PURG: variants seen among roughly 807,000 people sequenced by gnomAD.
PURG encodes the protein purine rich element binding protein G.
Under a neutral mutation model 24.3 loss-of-function variants are expected in PURG, and 3 were observed. That is an observed-to-expected ratio of 0.12 (90% confidence interval 0.06 to 0.32). The LOEUF is 0.32. PURG is among the 10% of genes least tolerant of loss of function. PURG has a pLI of 1.00. For synonymous variants in PURG, 180 were observed against 173.1 expected, an observed-to-expected ratio of 1.04 and a Z score of -0.31; for missense variants, 371 against 439.1, an observed-to-expected ratio of 0.84 and a Z score of 1.39.
Position 31,032,701 on chromosome 8 carries a change from T to A in PURG, c.82A>T (p.Ser28Cys), listed in dbSNP as rs1353005989. 2.6e-6 allele frequency: 4 copies of A among 1,514,946 alleles called. No individual in the cohort carries two copies. The highest frequency in any genetic ancestry group is 3.5e-6 in the Non-Finnish European group (4 of 1,132,616). The allele number at this position is 1,514,946 out of a possible 1,614,324, so 93.8% of individuals were successfully genotyped here. A position where few individuals can be genotyped will look rare whatever the true frequency, so the allele number is the denominator to read the frequency against. Reference sequence around the variant, plus strand: ...TGCTGGGCCTGGGGATAGAGTCTACTCTTGCTTAGGCCAGAGCCCCCTACA... The same window carrying A: ...TGCTGGGCCTGGGGATAGAGTCTACACTTGCTTAGGCCAGAGCCCCCTACA... ...KNVGGSGLSK[S>C]RLYPQAQHSH... Residue 28 changes from serine (S) to cysteine (C), a missense_variant, in exon 2 of 2, where the codon AGT becomes TGT. Coordinates refer to ENST00000523392, the MANE Select transcript of PURG (RefSeq NM_001323311.2). This position sits in a 1 kb window ranked among gnomAD's most constrained non-coding sequence, Gnocchi z 5.9.
At chr8:31,005,050 C>T (rs1306969753) in intron 1 of PURG, among the ~76,000 whole-genome samples, 2 of 152,152 alleles carry the variant, frequency 1.3e-5, no homozygotes, top group African/African-American at 4.8e-5. Context: ...AAAGTATCAT[C>T]AGGCAATAAA....
rs201025652 is a variant in PURG, at chr8:31,032,313, G to A, written c.470C>T (p.Pro157Leu). The A allele has an allele frequency of 1.9e-6, 3 of 1,612,782 alleles. No individual in the cohort carries two copies. Among genetic ancestry groups the A allele is most frequent in the Admixed American group, 3.3e-5 (2 of 60,012 alleles). ...CTCTTCGGACCCCACCGAGACTGGT[G>A]GGGAGGGTGCCGAGTGCTTCTGCCT... ...RRRQKHSAPS[P>L]PVSVGSEEHP... Residue 157 changes from proline (P) to leucine (L), a missense_variant, in exon 2 of 2, where the codon CCA becomes CTA. Physicochemically the swap from Pro to Leu is moderately conservative, Grantham distance 98. Around this residue, in one of 5 missense-constraint regions of PURG, gnomAD observed 213 missense variants for 230.6 expected, o/e 0.92. Transcript: ENST00000523392. The surrounding 1 kb of genome is among the most constrained non-coding windows in gnomAD (Gnocchi z 5.9).
In PURG at chr8:31,031,597, G is replaced by A; in HGVS notation, c.*142C>T. On this transcript the variant is annotated 3_prime_UTR_variant, in exon 2 of 2. Coordinates refer to ENST00000523392, the MANE Select transcript of PURG (RefSeq NM_001323311.2). ...TATGTGTAACATAACATGAGAATCA[G>A]ACTTCCTGAAGTATCAACTACTAGA... 1.4e-6 allele frequency: 1 copy of A among 720,372 alleles called. No individual in the cohort carries two copies. Among genetic ancestry groups the A allele is most frequent in the Non-Finnish European group, 2.2e-6 (1 of 445,728 alleles). The allele number at this position is 720,372 out of a possible 1,614,324, so 44.6% of individuals were successfully genotyped here. A position where few individuals can be genotyped will look rare whatever the true frequency, so the allele number is the denominator to read the frequency against.
intron 1 of PURG, among the ~76,000 whole-genome samples, chr8:31,013,710 C>T (rs1180525681): frequency 6.6e-6 from 1 of 152,218 alleles, no homozygotes; most frequent in Non-Finnish European, 1.5e-5. Context: ...GCACTCCAGC[C>T]TGGGCAACAA....
chr8:31,023,886 T>C (rs1811045857), intron 1 of PURG, among the ~76,000 whole-genome samples: 1 of 152,156 alleles, frequency 6.6e-6, no homozygotes, highest in Non-Finnish European at 1.5e-5. Context: ...ATGTGATCTA[T>C]GGTTATTTTA....
At chr8:31,008,020 C>G (rs1810687962) in intron 1 of PURG, among the ~76,000 whole-genome samples, 1 of 151,914 alleles carries the variant, frequency 6.6e-6, no homozygotes. Flanking sequence ...CTTTTTGTTT[C>G]CTGTGCAAGA....
intron 1 of PURG, among the ~76,000 whole-genome samples, chr8:31,020,726 C>T (rs1810974527): frequency 6.6e-6 from 1 of 152,212 alleles, no homozygotes; most frequent in East Asian, 1.9e-4. Context: ...GAGTAGCTCT[C>T]AGTCTTCTTT....
rs1811220946 is a variant in PURG at position 31,032,022 on chromosome 8, C to T, written c.761G>A (p.Gly254Glu). The change falls in exon 2 of 2, where the codon GGA becomes GAA. Residue 254 changes from glycine (G) to glutamate (E), a missense_variant. This residue lies in a region of PURG where 103 missense variants were observed against 127.7 expected (regional missense o/e 0.81). Transcript: ENST00000523392. The surrounding 1 kb of genome is among the most constrained non-coding windows in gnomAD (Gnocchi z 5.9). ...TGGGAGTTCAAGCGGGTCATCGTCT[C>T]CACCTCTTCGTTCTTCTATGTCTCC... is the stretch of plus-strand genomic sequence containing the variant. The part of the protein sequence containing the change: ...GEGDIEERRG[G>E]DDDPLELPEG... The T allele has an allele frequency of 6.2e-7, 1 of 1,614,158 alleles. No individual in the cohort carries two copies. The highest frequency in any genetic ancestry group is 8.5e-7 in the Non-Finnish European group (1 of 1,180,038).
At chr8:30,996,432 C>T in exon 2 of PURG, 1 of 493,870 alleles carries the variant, frequency 2.0e-6, no homozygotes, top group Non-Finnish European at 3.6e-6. Flanking sequence ...GGAAATTATT[C>T]AACATAAGAT....
chr8:31,002,537 G>A (rs928233933), intron 1 of PURG, among the ~76,000 whole-genome samples: 1 of 152,152 alleles, frequency 6.6e-6, no homozygotes, highest in Admixed American at 6.5e-5. Context: ...AGGCTGGGGT[G>A]CAATGGCATG....
intron 1 of PURG, among the ~76,000 whole-genome samples, chr8:30,999,899 T>C (rs952311981): frequency 1.3e-5 from 2 of 151,954 alleles, no homozygotes; most frequent in African/African-American, 4.8e-5. Context: ...CCTGAAAACA[T>C]CGTGACGGTT....
chr8:31,029,195 A>G (rs1389311369), downstream of PURG, among the ~76,000 whole-genome samples: 2 of 151,884 alleles, frequency 1.3e-5, no homozygotes, highest in Non-Finnish European at 3.0e-5. Flanking sequence ...TCATAGCATC[A>G]TCTCATTTTT....
At position 31,032,571 on chromosome 8, in the gene PURG, C is replaced by G. The variant is rs1168950312; in HGVS notation, c.212G>C (p.Arg71Thr). 2.5e-6 allele frequency: 4 copies of G among 1,613,068 alleles called. No homozygotes were observed. Among genetic ancestry groups the G allele is most frequent in the Non-Finnish European group, 3.4e-6 (4 of 1,179,164 alleles). ...ASKRVDIQKK[R>T]FYLDVKQSSR... ...GCTTTGCTTCACGTCTAGGTAAAAC[C>G]TCTTTTTCTGGATGTCCACTCGTTT... The change falls in exon 2 of 2, where the codon AGG becomes ACG. Residue 71 changes from arginine (R) to threonine (T), a missense_variant. Transcript: ENST00000523392. This position sits in a 1 kb window ranked among gnomAD's most constrained non-coding sequence, Gnocchi z 5.9.
chr8:31,026,864 A>G (rs1483043711), downstream of PURG, among the ~76,000 whole-genome samples: 2 of 151,596 alleles, frequency 1.3e-5, no homozygotes, highest in Non-Finnish European at 3.0e-5. Context: ...TGTCAAATTA[A>G]TAACAAGTAC....
rs2129856531 is a variant in PURG, at chr8:31,031,665, T to C, written c.*74A>G. The C allele has an allele frequency of 1.4e-6, 2 of 1,402,550 alleles. No homozygotes were observed. Among genetic ancestry groups the C allele is most frequent in the Non-Finnish European group, 1.9e-6 (2 of 1,056,036 alleles). The allele number at this position is 1,402,550 out of a possible 1,614,324, so 86.9% of individuals were successfully genotyped here. Reference sequence around the variant, plus strand: ...CGGGCCAAAAAAGAGGAAAAACTTCTTCAAAGGATAATGGATCAGTACTTT... The same window carrying C: ...CGGGCCAAAAAAGAGGAAAAACTTCCTCAAAGGATAATGGATCAGTACTTT... On this transcript the variant is annotated 3_prime_UTR_variant, in exon 2 of 2. Coordinates refer to ENST00000523392, the MANE Select transcript of PURG (RefSeq NM_001323311.2).
At chr8:31,027,985 T>A (rs2129844990), downstream of PURG, among the ~76,000 whole-genome samples, 1 of 151,894 alleles carries the variant, frequency 6.6e-6, no homozygotes, top group Middle Eastern at 3.4e-3. Flanking sequence ...TAATGCCACA[T>A]CAGCTAACCA....
In PURG at chr8:31,033,242, A is replaced by C; in HGVS notation, c.-171T>G. ...CCCGCCGGAGCAGCCGGGCAGGGGC[A>C]TCGCCCGCGGCGCCCACCGCAGCCG... is the stretch of plus-strand genomic sequence containing the variant. On this transcript the variant is annotated 5_prime_UTR_variant, in exon 1 of 2. An upstream start codon of the reference 5' UTR is lost. Coordinates refer to ENST00000523392, the MANE Select transcript of PURG (RefSeq NM_001323311.2). 1 of 173,066 alleles carries C rather than the reference A, an allele frequency of 5.8e-6. No individual in the cohort carries two copies. Among genetic ancestry groups the C allele is most frequent in the Non-Finnish European group, 1.2e-5 (1 of 82,952 alleles). 10.7% of individuals were successfully genotyped at this position (173,066 alleles called of 1,614,324 possible).
Position 31,032,784 on chromosome 8 carries a change from T to G in PURG, c.-2A>C. 7.0e-7 allele frequency: 1 copy of G among 1,422,358 alleles called. No individual in the cohort carries two copies. The highest frequency in any genetic ancestry group is 1.7e-5 in the South Asian group (1 of 60,508). The allele number at this position is 1,422,358 out of a possible 1,614,324, so 88.1% of individuals were successfully genotyped here. A position where few individuals can be genotyped will look rare whatever the true frequency, so the allele number is the denominator to read the frequency against. Reference sequence around the variant, plus strand: ...TCCCCTTCGCCTGGCTCTTTCCATCTTCAGCTGCAAGTAACAAACAGACAC... The same window carrying G: ...TCCCCTTCGCCTGGCTCTTTCCATCGTCAGCTGCAAGTAACAAACAGACAC... On this transcript the variant is annotated 5_prime_UTR_variant, in exon 2 of 2. Coordinates refer to ENST00000523392, the MANE Select transcript of PURG (RefSeq NM_001323311.2). The surrounding 1 kb of genome is among the most constrained non-coding windows in gnomAD (Gnocchi z 5.9).
Position 31,032,123 on chromosome 8 carries a change from C to A in PURG, c.660G>T (p.Gln220His). Residue 220 changes from glutamine (Q) to histidine (H), a missense_variant, in exon 2 of 2, where the codon CAG becomes CAT. Coordinates refer to ENST00000523392, the MANE Select transcript of PURG (RefSeq NM_001323311.2). The surrounding 1 kb of genome is among the most constrained non-coding windows in gnomAD (Gnocchi z 5.9). ...GYFGHSLGQE[Q>H]TIVLPAQGMI... Reference sequence around the variant, plus strand: ...TTCCTTGTGCTGGGAGGACAATAGTCTGTTCTTGGCCCAAACTGTGGCCAA... The same window carrying A: ...TTCCTTGTGCTGGGAGGACAATAGTATGTTCTTGGCCCAAACTGTGGCCAA... 1 of 1,614,212 alleles carries A rather than the reference C, an allele frequency of 6.2e-7. No individual in the cohort carries two copies. The highest frequency in any genetic ancestry group is 8.5e-7 in the Non-Finnish European group (1 of 1,180,038).
Sources: gnomAD v4.1 joint callset for allele counts (sites outside exome capture counted in the v4.1 genomes callset) on GRCh38, gnomAD v4.1.1 for gene constraint, gnomAD v4.1.1 regional missense constraint, Gnocchi (gnomAD v3.1) non-coding constraint, MANE v1.5 for transcripts, NCBI Gene and HGNC (gene_info 2026-07-23, HGNC 2026-07-21) for gene names.